The following WIPF3 variants were observed in gnomAD, a reference collection of about 807,000 sequenced individuals.
WIPF3 encodes WAS/WASL-interacting protein family member 3.
Under a neutral mutation model 38.9 loss-of-function variants are expected in WIPF3, and 33 were observed. The observed-to-expected ratio is 0.85, with a 90% CI of 0.64 to 1.14. The LOEUF (loss-of-function observed/expected upper bound fraction) is 1.14. Ranked by LOEUF, WIPF3 falls within the 50% of genes most tolerant of loss-of-function variation. The probability of loss-of-function intolerance (pLI) is 0.00; values close to 1 mark genes in which losing one functional copy is unlikely to be tolerated. For synonymous variants in WIPF3, 324 were observed against 269.3 expected (o/e 1.20, Z -1.99); for missense variants, 711 against 652.5 (o/e 1.09, Z -0.98).
intron 1 of WIPF3, among the ~76,000 whole-genome samples, chr7:29,824,495 G>A (rs6462178): frequency 0.52 from 78,892 of 151,366 alleles, 20,942 homozygotes; most frequent in Middle Eastern, 0.63. Flanking sequence ...TTTCCAGATG[G>A]TGAAGGCCCT....
chr7:29,892,958 G>A (rs1285943766), intron 7 of WIPF3, among the ~76,000 whole-genome samples: 1 of 152,186 alleles, frequency 6.6e-6, no homozygotes, highest in Admixed American at 6.5e-5. Context: ...CCAGCTACTT[G>A]GGAGGCTGAG....
At chr7:29,850,230 T>G (rs960559559) in intron 2 of WIPF3, among the ~76,000 whole-genome samples, 1 of 152,166 alleles carries the variant, frequency 6.6e-6, no homozygotes, top group African/African-American at 2.4e-5. Flanking sequence ...AAAAGTAAAA[T>G]TTTATTGATA....
In WIPF3 at chr7:29,857,459, G is replaced by T. The variant is rs563655956; in HGVS notation, c.91-18371G>T. ...AGAGTTTTCCTACACCCTTTCCATA[G>T]TACTTGGCTTCTACAGATTTTTTTT... On this transcript the variant is annotated intron_variant, in intron 2 of 8. Transcript: ENST00000242140. Among the ~76,000 whole-genome samples, 11 of 152,194 alleles carry T rather than the reference G, an allele frequency of 7.2e-5. No homozygotes were observed. In the South Asian group the frequency reaches 2.3e-3, roughly 32 times the overall value.
intron 7 of WIPF3, among the ~76,000 whole-genome samples, chr7:29,901,487 A>G (rs1286985653): frequency 2.1e-5 from 3 of 144,118 alleles, no homozygotes; most frequent in Non-Finnish European, 4.5e-5. Context: ...TTCTTGTCAT[A>G]TTTATGAAAA....
At chr7:29,907,186 C>G (rs968499100) in intron 8 of WIPF3, among the ~76,000 whole-genome samples, 1 of 152,096 alleles carries the variant, frequency 6.6e-6, no homozygotes, top group African/African-American at 2.4e-5. Flanking sequence ...ATTTAAAAGA[C>G]AAAACATTTT....
intron 1 of WIPF3, among the ~76,000 whole-genome samples, chr7:29,822,944 G>A (rs1435705290): frequency 1.3e-5 from 2 of 152,124 alleles, no homozygotes; most frequent in African/African-American, 4.8e-5. Flanking sequence ...AGTTTAGTGA[G>A]ACCACTTCCA....
Position 29,867,198 on chromosome 7 carries a change from C to T in WIPF3, c.91-8632C>T, listed in dbSNP as rs191039412. Among the ~76,000 whole-genome samples the T allele has an allele frequency of 1.1e-4, 17 of 152,290 alleles. No individual in the cohort carries two copies. In the East Asian group the frequency reaches 3.1e-3, roughly 28 times the overall value. ...TTCCTTTACCCAAACGCCAAAGTCA[C>T]CGCTGTGTGCACTCTAAGTAGAGAG... On this transcript the variant is annotated intron_variant, in intron 2 of 8. Transcript: ENST00000242140.
intron 1 of WIPF3, among the ~76,000 whole-genome samples, chr7:29,827,045 TA>T (rs1385319367): frequency 4.6e-5 from 7 of 152,188 alleles, no homozygotes; most frequent in African/African-American, 1.7e-4. Flanking sequence ...TGAAACACTC[TA>T]AGAACAGTGT....
intron 7 of WIPF3, among the ~76,000 whole-genome samples, chr7:29,892,882 A>G (rs758483377): frequency 6.6e-6 from 1 of 152,142 alleles, no homozygotes; most frequent in East Asian, 1.9e-4. Context: ...CCTGGTCAAC[A>G]TGGTGAAACC....
intron 1 of WIPF3, among the ~76,000 whole-genome samples, chr7:29,833,889 G>T (rs1025724456): frequency 3.9e-4 from 59 of 152,216 alleles, no homozygotes; most frequent in Non-Finnish European, 4.1e-4. Flanking sequence ...CTTGCTATGG[G>T]TTCTAAGACA....
chr7:29,907,115 A>T (rs1356353884), intron 8 of WIPF3, among the ~76,000 whole-genome samples: 1 of 152,238 alleles, frequency 6.6e-6, no homozygotes, highest in Non-Finnish European at 1.5e-5. Context: ...TATATGGCCA[A>T]TTATAAAATC....
In WIPF3 at chr7:29,890,174, CAT is replaced by C. The variant is rs1785974279; in HGVS notation, c.1351+769_1351+770del. On this transcript the variant is annotated intron_variant, in intron 7 of 8. Coordinates refer to ENST00000242140, the MANE Select transcript of WIPF3 (RefSeq NM_001080529.3). ...AGGAGTTTAAGGCCAGCCTTGTCAA[CAT>C]AGCAAGATTCCATTTCTACAAAATA... 3.6e-5 allele frequency among the ~76,000 whole-genome samples: 5 copies of C among 140,306 alleles called. No individual in the cohort carries two copies. In the South Asian group the frequency reaches 1.3e-3, roughly 38 times the overall value. The allele number at this position is 140,306 out of a possible 152,430, so 92.0% of individuals were successfully genotyped here.
At position 29,806,588 on chromosome 7, in the gene WIPF3, T is replaced by C. The variant is rs2128060043; in HGVS notation, c.-148T>C. 6.6e-6 allele frequency: 1 copy of C among 151,180 alleles called. No individual in the cohort carries two copies. The highest frequency in any genetic ancestry group is 2.4e-5 in the African/African-American group (1 of 41,300). The allele number at this position is 151,180 out of a possible 1,614,324, so 9.4% of individuals were successfully genotyped here. A position where few individuals can be genotyped will look rare whatever the true frequency, so the allele number is the denominator to read the frequency against. On this transcript the variant is annotated 5_prime_UTR_variant, in exon 1 of 9. Transcript: ENST00000242140. ...GCGGCGCCGCTTGGAGCACGGGCGC[T>C]GCGGGACGGAGCCCGGAGCCGGAGG...
chr7:29,839,176 A>G (rs1011364339), intron 2 of WIPF3, among the ~76,000 whole-genome samples: 2 of 152,226 alleles, frequency 1.3e-5, no homozygotes, highest in African/African-American at 2.4e-5. Flanking sequence ...TGGCGATGAC[A>G]TACAGTATCA....
chr7:29,828,723 G>A (rs1335242847), intron 1 of WIPF3, among the ~76,000 whole-genome samples: 1 of 152,138 alleles, frequency 6.6e-6, no homozygotes, highest in Non-Finnish European at 1.5e-5. Flanking sequence ...TCTTTCACCT[G>A]TTATTTAGCC....
Position 29,884,264 on chromosome 7 carries a change from T to TGGCCCCCCACC in WIPF3, c.770_771insGGCCCCCCACC (p.Pro258AlafsTer120). On this transcript the variant is annotated frameshift_variant, in exon 5 of 9. Coordinates refer to ENST00000242140, the MANE Select transcript of WIPF3 (RefSeq NM_001080529.3). LOFTEE classifies it high-confidence loss of function. ...AAGCCTCAGCTGGCTCCCTTGCACC[T>TGGCCCCCCACC]CCCGCCCATCCCGCCCCCGCTCCCT... 1.5e-6 allele frequency: 2 copies of TGGCCCCCCACC among 1,315,282 alleles called. No homozygotes were observed. Among genetic ancestry groups the TGGCCCCCCACC allele is most frequent in the Non-Finnish European group, 2.0e-6 (2 of 992,706 alleles). 81.5% of individuals were successfully genotyped at this position (1,315,282 alleles called of 1,614,324 possible).
intron 2 of WIPF3, among the ~76,000 whole-genome samples, chr7:29,869,603 C>A (rs955722974): frequency 1.3e-4 from 20 of 152,254 alleles, no homozygotes; most frequent in African/African-American, 4.8e-4. Context: ...AGTCTCTAAT[C>A]CCTGCCTCTG....
chr7:29,842,835 G>A (rs1784935584), intron 2 of WIPF3, among the ~76,000 whole-genome samples: 1 of 152,206 alleles, frequency 6.6e-6, no homozygotes, highest in Admixed American at 6.5e-5. Context: ...TCTGGAAAAG[G>A]TAATTTGCAT....
chr7:29,860,195 A>G (rs1369619919), intron 2 of WIPF3, among the ~76,000 whole-genome samples: 1 of 152,238 alleles, frequency 6.6e-6, no homozygotes, highest in Non-Finnish European at 1.5e-5. Context: ...CAAGAGTCCC[A>G]TTAGAAGACC....
Sources: gnomAD v4.1 joint callset for allele counts (sites outside exome capture counted in the v4.1 genomes callset) on GRCh38, gnomAD v4.1.1 for gene constraint, MANE v1.5 for transcripts, NCBI Gene and HGNC (gene_info 2026-07-23, HGNC 2026-07-21) for gene names.